Variants in CACNA1A observed in about 807,000 individuals in gnomAD.
The protein encoded by CACNA1A is calcium voltage-gated channel subunit alpha1 A, also known as voltage-dependent P/Q-type calcium channel subunit alpha-1A.
CACNA1A carries 57 observed loss-of-function variants against 262.4 expected under a neutral mutation model. The ratio of observed to expected loss-of-function variants is 0.22; its 90% confidence interval spans 0.18 to 0.27. The LOEUF (loss-of-function observed/expected upper bound fraction) is 0.27. Ranked by LOEUF, CACNA1A falls within the 10% of genes least tolerant of loss-of-function variation. The pLI is 1.00. For missense variants in CACNA1A, 2,526 were observed against 3,562.8 expected (o/e 0.71, Z 7.41); for synonymous variants, 1,431 against 1,419.3 (o/e 1.01, Z -0.18).
intron 19 of CACNA1A, among the ~76,000 whole-genome samples, chr19:13,287,689 A>G (rs1010400738): frequency 6.6e-6 from 1 of 151,600 alleles, no homozygotes; most frequent in African/African-American, 2.4e-5. Flanking sequence ...TTCAGTAGAG[A>G]TGGGGTTTCA....
At chr19:13,320,251 A>T (rs1035020010) in intron 10 of CACNA1A, among the ~76,000 whole-genome samples, 11 of 151,558 alleles carry the variant, frequency 7.3e-5, no homozygotes, top group African/African-American at 2.7e-4. Context: ...AGAGAGAGAG[A>T]GAGAGAGAGA....
intron 3 of CACNA1A, among the ~76,000 whole-genome samples, chr19:13,377,948 T>G (rs2059446774): frequency 6.6e-6 from 1 of 151,860 alleles, no homozygotes; most frequent in African/African-American, 2.4e-5. Context: ...GGCAACATAG[T>G]GAGACCTCAA....
rs1360936226 is a variant in CACNA1A, at chr19:13,212,635, C to T, written c.6046G>A (p.Ala2016Thr). ...CCTGGCAGGGGTGACACTCACAGGGCTCCTCCTGGGTCCAGCTGGGTGGAG... is the reference window on the plus strand; with the variant it reads ...CCTGGCAGGGGTGACACTCACAGGGTTCCTCCTGGGTCCAGCTGGGTGGAG... ...LPSTQLDPGG[A>T]LMAHESGLKE... Residue 2016 changes from alanine (A) to threonine (T), a missense_variant, in exon 41 of 47, where the codon GCC becomes ACC. Physicochemically the swap from Ala to Thr is moderately conservative, Grantham distance 58 (BLOSUM62 0). Around this residue, in one of 17 missense-constraint regions of CACNA1A, gnomAD observed 929 missense variants for 868.1 expected, o/e 1.07. Transcript: ENST00000360228. This position sits in a 1 kb window ranked among gnomAD's most constrained non-coding sequence, Gnocchi z 5.6. 7 of 1,519,968 alleles carry T rather than the reference C, an allele frequency of 4.6e-6. No individual in the cohort carries two copies. The highest frequency in any genetic ancestry group is 2.3e-5 in the East Asian group (1 of 42,878). 94.2% of individuals were successfully genotyped at this position (1,519,968 alleles called of 1,614,324 possible). A position where few individuals can be genotyped will look rare whatever the true frequency, so the allele number is the denominator to read the frequency against.
chr19:13,227,881 G>A (rs1205879546), intron 36 of CACNA1A, among the ~76,000 whole-genome samples: 1 of 144,810 alleles, frequency 6.9e-6, no homozygotes, highest in African/African-American at 2.5e-5. Context: ...GGAAGACGTA[G>A]AGCCATGCTT....
intron 4 of CACNA1A, chr19:13,370,724 A>T (rs1016854718): frequency 1.4e-5 from 2 of 147,448 alleles, no homozygotes; most frequent in Non-Finnish European, 3.0e-5. Context: ...GTGCCCAGTC[A>T]ACCTGGCTAA....
intron 6 of CACNA1A, among the ~76,000 whole-genome samples, chr19:13,337,278 T>A (rs1284906482): frequency 6.6e-6 from 1 of 152,202 alleles, no homozygotes; most frequent in Non-Finnish European, 1.5e-5. Context: ...TGGTTCCTTC[T>A]GAGAGCTGTG....
rs1020886188 is a variant in CACNA1A at position 13,264,036 on chromosome 19, T to C, written c.3990-1203A>G. 3.3e-5 allele frequency among the ~76,000 whole-genome samples: 5 copies of C among 152,190 alleles called. No homozygotes were observed. The East Asian group carries it at 7.7e-4, about 24-fold the overall frequency. On this transcript the variant is annotated intron_variant, in intron 24 of 46. Transcript: ENST00000360228. ...GCTGCCATGGTCTCTGCTGCATTGC[T>C]CCAAGGGTCTCTGAGCCCATCTTTG...
At chr19:13,351,209 A>C (rs1374085621) in intron 6 of CACNA1A, among the ~76,000 whole-genome samples, 1 of 152,164 alleles carries the variant, frequency 6.6e-6, no homozygotes, top group African/African-American at 2.4e-5. Context: ...AAAGTAGGGG[A>C]GATTAGTCTC....
intron 3 of CACNA1A, among the ~76,000 whole-genome samples, chr19:13,436,951 T>A (rs924564743): frequency 2.6e-5 from 4 of 152,246 alleles, no homozygotes; most frequent in Non-Finnish European, 4.4e-5. Context: ...TGAGTACACA[T>A]GTGGCACAAC....
At chr19:13,379,631 A>G (rs2059480586) in intron 3 of CACNA1A, among the ~76,000 whole-genome samples, 1 of 152,200 alleles carries the variant, frequency 6.6e-6, no homozygotes, top group Admixed American at 6.5e-5. Context: ...GTTCAGTGTT[A>G]AAAGTGTTAC....
intron 4 of CACNA1A, chr19:13,365,690 C>T (rs1243527037): frequency 2.1e-6 from 1 of 469,032 alleles, no homozygotes; most frequent in East Asian, 3.5e-5. Context: ...TCCTTTGAGA[C>T]AGGGTTTTGC....
At chr19:13,464,543 ATTTTTTTT>A (rs540418372) in intron 1 of CACNA1A, among the ~76,000 whole-genome samples, 6 of 128,960 alleles carry the variant, frequency 4.7e-5, no homozygotes, top group African/African-American at 1.6e-4. Flanking sequence ...AACTTTTCCA[ATTTTTTTT>A]TTTTTTTTTT....
At chr19:13,250,551 C>T (rs1473385730) in intron 30 of CACNA1A, among the ~76,000 whole-genome samples, 2 of 152,080 alleles carry the variant, frequency 1.3e-5, no homozygotes, top group East Asian at 3.9e-4. Flanking sequence ...CATGCGCCAC[C>T]ACACCCAGCT....
chr19:13,257,365 G>T lies in CACNA1A; in HGVS notation c.4575C>A (p.Ser1525Arg). Residue 1525 changes from serine to arginine, a missense_variant, in exon 28 of 47, where the codon AGC becomes AGA. By Grantham distance (110) the Ser-to-Arg change is moderately radical. This residue lies in a region of CACNA1A where 137 missense variants were observed against 377.7 expected (regional missense o/e 0.36). Coordinates refer to ENST00000360228, the MANE Select transcript of CACNA1A (RefSeq NM_001127222.2). ...GAAGTGGCACCTCATTTTTCTCCAG[G>T]CTGTATTCCTCCATCATCTTGTCCC... is the stretch of plus-strand genomic sequence containing the variant. ...EQGDKMMEEY[S>R]LEKNERACID... The T allele has an allele frequency of 1.2e-6, 2 of 1,613,592 alleles. No homozygotes were observed. Among genetic ancestry groups the T allele is most frequent in the Non-Finnish European group, 1.7e-6 (2 of 1,179,644 alleles).
intron 26 of CACNA1A, 112 bp from the exon 27 acceptor site, chr19:13,259,813 A>C: frequency 8.4e-7 from 1 of 1,190,368 alleles, no homozygotes; most frequent in Non-Finnish European, 1.2e-6. Flanking sequence ...ACCAGCCTAG[A>C]CTGCTTGGGA....
intron 1 of CACNA1A, among the ~76,000 whole-genome samples, chr19:13,505,461 C>G (rs1473307250): frequency 6.6e-6 from 1 of 152,138 alleles, no homozygotes; most frequent in Admixed American, 6.5e-5. Context: ...AGTGGAGAGG[C>G]TGTCCAGCTT....
intron 3 of CACNA1A, among the ~76,000 whole-genome samples, chr19:13,420,715 A>G (rs1275969343): frequency 6.6e-6 from 1 of 152,202 alleles, no homozygotes; most frequent in African/African-American, 2.4e-5. Context: ...CGCCAAGTTC[A>G]TGTTACTCTG....
At chr19:13,447,801 C>A (rs1463614707) in intron 3 of CACNA1A, among the ~76,000 whole-genome samples, 2 of 152,100 alleles carry the variant, frequency 1.3e-5, no homozygotes, top group Non-Finnish European at 2.9e-5. Context: ...AAGATGAAGG[C>A]CAGAAGACTC....
intron 3 of CACNA1A, among the ~76,000 whole-genome samples, chr19:13,422,376 C>T (rs2060330499): frequency 6.6e-6 from 1 of 152,054 alleles, no homozygotes; most frequent in Admixed American, 6.6e-5. Context: ...TGATATGGGT[C>T]AAGGCCAGAT....
Sources: allele counts gnomAD v4.1 joint callset (sites outside exome capture counted in the v4.1 genomes callset), GRCh38; gene constraint gnomAD v4.1.1; regional missense constraint gnomAD v4.1.1; non-coding constraint Gnocchi (gnomAD v3.1); transcripts MANE v1.5; gene names NCBI Gene and HGNC (gene_info 2026-07-23, HGNC 2026-07-21).